Variants in PTPN14 observed in about 807,000 individuals in gnomAD.
PTPN14 encodes the protein protein tyrosine phosphatase non-receptor type 14, also known as tyrosine-protein phosphatase non-receptor type 14.
In PTPN14, 53 loss-of-function variants were observed where a neutral mutation model predicts 126.8. The ratio of observed to expected loss-of-function variants is 0.42; its 90% CI spans 0.34 to 0.53. The LOEUF is 0.53. Among genes scored for constraint, PTPN14 ranks in the 20% least tolerant of loss-of-function variants. The pLI is 0.08. For missense variants in PTPN14, 1,257 were observed against 1,552.9 expected (o/e 0.81, Z 3.20); for synonymous variants, 630 against 599.3 (o/e 1.05, Z -0.75).
intron 1 of PTPN14, among the ~76,000 whole-genome samples, chr1:214,515,909 T>C (rs1416179198): frequency 5.3e-5 from 8 of 152,218 alleles, no homozygotes; most frequent in Non-Finnish European, 2.9e-5. Flanking sequence ...CCTGGAAAAG[T>C]TACCTTTGGC....
At position 214,383,660 on chromosome 1, in the gene PTPN14, T is replaced by TC; in HGVS notation, c.2194dup (p.Glu732GlyfsTer20). ...GGCCGCCTGCAGCTGGGCACTGTAC[T>TC]CCATCTTCTCCCGGAGCATGGGGAT... On this transcript the variant is annotated frameshift_variant, in exon 13 of 19. Coordinates refer to ENST00000366956, the MANE Select transcript of PTPN14 (RefSeq NM_005401.5). LOFTEE classifies it high-confidence loss of function. The surrounding 1 kb of genome is among the most constrained non-coding windows in gnomAD (Gnocchi z 4.4). 1.2e-6 allele frequency: 2 copies of TC among 1,613,478 alleles called. No individual in the cohort carries two copies. The highest frequency in any genetic ancestry group is 8.5e-7 in the Non-Finnish European group (1 of 1,180,022).
At chr1:214,402,659 A>G (rs200735071) in intron 6 of PTPN14, among the ~76,000 whole-genome samples, 11 of 264 alleles carry the variant, frequency 0.042, no homozygotes, top group African/African-American at 0.087. Flanking sequence ...GGAAGGAAGG[A>G]AGGAAGGAAG....
In PTPN14 at chr1:214,355,810, A is replaced by T. The variant is rs1657804865; in HGVS notation, c.*2112T>A. Reference sequence around the variant, plus strand: ...AGGCATACTTTTTCTGGTTGATTTGATGTCACTCCATCTTTTTAGCTCACG... The same window carrying T: ...AGGCATACTTTTTCTGGTTGATTTGTTGTCACTCCATCTTTTTAGCTCACG... On this transcript the variant is annotated 3_prime_UTR_variant, in exon 19 of 19. Transcript: ENST00000366956. 6.6e-6 allele frequency: 1 copy of T among 152,110 alleles called. No individual in the cohort carries two copies. The highest frequency in any genetic ancestry group is 1.5e-5 in the Non-Finnish European group (1 of 68,020). The allele number at this position is 152,110 out of a possible 1,614,324, so 9.4% of individuals were successfully genotyped here.
At chr1:214,457,613 T>G (rs1246210949) in intron 2 of PTPN14, among the ~76,000 whole-genome samples, 3 of 152,358 alleles carry the variant, frequency 2.0e-5, no homozygotes, top group South Asian at 2.1e-4. Context: ...CCTTTGCGTT[T>G]CTTAGAATAG....
chr1:214,387,079 C>T (rs1658636884), intron 11 of PTPN14, among the ~76,000 whole-genome samples, 157 bp from the exon 12 acceptor site: 1 of 152,156 alleles, frequency 6.6e-6, no homozygotes, highest in African/African-American at 2.4e-5. Context: ...TTCTTCTACC[C>T]GTCTGCACTC....
intron 1 of PTPN14, among the ~76,000 whole-genome samples, chr1:214,540,926 T>TA (rs1368102255): frequency 1.3e-5 from 2 of 152,074 alleles, no homozygotes; most frequent in African/African-American, 4.8e-5. Flanking sequence ...GACACACTCT[T>TA]AAAAAAATTA....
chr1:214,391,144 A>G, intron 10 of PTPN14, 99 bp from the exon 11 acceptor site: 1 of 762,356 alleles, frequency 1.3e-6, no homozygotes, highest in Non-Finnish European at 1.9e-6. Context: ...CAAGACTGGT[A>G]ATCGTTATAT....
At chr1:214,435,579 A>G (rs1489739304) in intron 3 of PTPN14, among the ~76,000 whole-genome samples, 4 of 152,224 alleles carry the variant, frequency 2.6e-5, no homozygotes. Context: ...ATCCCATTAA[A>G]AAGTGGGCAA....
rs191376586 is a variant in PTPN14 at position 214,370,608 on chromosome 1, T to C, written c.3037-917A>G. Reference sequence around the variant, plus strand: ...CTGACCAATGCGTTTTAGTTCAATCTACAACTAGAACTGAGAACAGCTGCT... The same window carrying C: ...CTGACCAATGCGTTTTAGTTCAATCCACAACTAGAACTGAGAACAGCTGCT... On this transcript the variant is annotated intron_variant, in intron 16 of 18. Transcript: ENST00000366956. Among the ~76,000 whole-genome samples the C allele has an allele frequency of 3.5e-4, 53 of 152,314 alleles. No individual in the cohort carries two copies. The East Asian group carries it at 9.5e-3, about 27-fold the overall frequency.
Position 214,355,347 on chromosome 1 carries a change from G to T in PTPN14, c.*2575C>A, listed in dbSNP as rs1455233850. On this transcript the variant is annotated 3_prime_UTR_variant, in exon 19 of 19. Coordinates refer to ENST00000366956, the MANE Select transcript of PTPN14 (RefSeq NM_005401.5). ...CCCACCTTGGGGCTTAGAGATAAAA[G>T]ATAAATACTGATGTTGTTCATCACG... is the stretch of plus-strand genomic sequence containing the variant. The T allele has an allele frequency of 6.6e-6, 1 of 152,138 alleles. No individual in the cohort carries two copies. Among genetic ancestry groups the T allele is most frequent in the Non-Finnish European group, 1.5e-5 (1 of 68,024 alleles). The allele number at this position is 152,138 out of a possible 1,614,324, so 9.4% of individuals were successfully genotyped here. A position where few individuals can be genotyped will look rare whatever the true frequency, so the allele number is the denominator to read the frequency against.
In PTPN14 at chr1:214,386,897, G is replaced by C. The variant is rs1054125940; in HGVS notation, c.1013C>G (p.Pro338Arg). 6.2e-7 allele frequency: 1 copy of C among 1,608,346 alleles called. No homozygotes were observed. The highest frequency in any genetic ancestry group is 8.5e-7 in the Non-Finnish European group (1 of 1,175,044). ...CTCACCACACTGGACGTGAACGGGA[G>C]GCAGGATGTACGGCTGCTGCCTGGG... ...SLPRQQPYIL[P>R]PVHVQCGEHY... Residue 338 changes from proline (P) to arginine (R), a missense_variant, in exon 12 of 19, where the codon CCT (proline) becomes CGT (arginine). By Grantham distance (103) the Pro-to-Arg change is moderately radical. Around this residue, in one of 3 missense-constraint regions of PTPN14, gnomAD observed 1,021 missense variants for 1,183.3 expected, o/e 0.86. Transcript: ENST00000366956.
chr1:214,460,104 T>C (rs1660476160), intron 2 of PTPN14, among the ~76,000 whole-genome samples: 1 of 152,134 alleles, frequency 6.6e-6, no homozygotes, highest in Non-Finnish European at 1.5e-5. Flanking sequence ...ACCAGCCCAG[T>C]GACTGTGGGC....
Position 214,370,211 on chromosome 1 carries a change from C to T in PTPN14, c.3037-520G>A, listed in dbSNP as rs1295116577. 5.4e-5 allele frequency among the ~76,000 whole-genome samples: 8 copies of T among 147,932 alleles called. No individual in the cohort carries two copies. The South Asian group carries it at 1.1e-3, about 20-fold the overall frequency. ...AGGAGAATGGCATAAACCCGGGAGG[C>T]GGAGCTTGCAGTGAGCCAAGATCAC... On this transcript the variant is annotated intron_variant, in intron 16 of 18. Coordinates refer to ENST00000366956, the MANE Select transcript of PTPN14 (RefSeq NM_005401.5).
chr1:214,502,731 C>G (rs565262880), intron 1 of PTPN14, among the ~76,000 whole-genome samples: 2 of 152,142 alleles, frequency 1.3e-5, no homozygotes, highest in African/African-American at 4.8e-5. Context: ...AAAATAAAGA[C>G]AGAGTGATTT....
intron 1 of PTPN14, among the ~76,000 whole-genome samples, chr1:214,519,626 T>C (rs1655193098): frequency 6.6e-6 from 1 of 152,234 alleles, no homozygotes; most frequent in Non-Finnish European, 1.5e-5. Context: ...TGCTAGGTGA[T>C]AGAGATAATC....
chr1:214,443,449 T>C (rs1297851861), intron 3 of PTPN14, among the ~76,000 whole-genome samples: 1 of 152,194 alleles, frequency 6.6e-6, no homozygotes, highest in African/African-American at 2.4e-5. Flanking sequence ...GTGAAAATTT[T>C]AGTTTTGTTC....
intron 3 of PTPN14, among the ~76,000 whole-genome samples, chr1:214,431,539 G>A (rs2102607641): frequency 1.3e-5 from 2 of 152,312 alleles, no homozygotes; most frequent in Middle Eastern, 6.8e-3. Context: ...TGTAAAGCCT[G>A]TGCTCTTTAC....
intron 3 of PTPN14, among the ~76,000 whole-genome samples, chr1:214,441,326 T>C (rs1558103743): frequency 6.6e-6 from 1 of 152,202 alleles, no homozygotes; most frequent in East Asian, 1.9e-4. Flanking sequence ...AACTACATTT[T>C]TCCACAGAAC....
In PTPN14 at chr1:214,433,970, A is replaced by C. The variant is rs1198093060; in HGVS notation, c.344+17835T>G. 9.0e-5 allele frequency among the ~76,000 whole-genome samples: 9 copies of C among 99,726 alleles called. 1 individual carries two copies. Among genetic ancestry groups the C allele is most frequent in the East Asian group, 5.3e-4 (2 of 3,788 alleles). The allele number at this position is 99,726 out of a possible 152,430, so 65.4% of individuals were successfully genotyped here. ...CACACACAAAAAAAAAAAAAAAAAA[A>C]AACTCAAAAAATTTAGCCAGGCATG... On this transcript the variant is annotated intron_variant, in intron 3 of 18. Coordinates refer to ENST00000366956, the MANE Select transcript of PTPN14 (RefSeq NM_005401.5).
Sources: allele counts gnomAD v4.1 joint callset (sites outside exome capture counted in the v4.1 genomes callset), GRCh38; gene constraint gnomAD v4.1.1; regional missense constraint gnomAD v4.1.1; non-coding constraint Gnocchi (gnomAD v3.1); transcripts MANE v1.5; gene names NCBI Gene and HGNC (gene_info 2026-07-23, HGNC 2026-07-21).